RRP8: variants seen among roughly 807,000 people sequenced by gnomAD.
RRP8 encodes ribosomal RNA processing 8.
A neutral mutation model predicts 45.0 loss-of-function variants in RRP8; 48 were observed. The ratio of observed to expected loss-of-function variants is 1.07; its 90% CI spans 0.85 to 1.36. RRP8 has a LOEUF of 1.36. RRP8 is among the 40% of genes most tolerant of loss of function. The pLI, the probability that RRP8 is intolerant of heterozygous loss-of-function variation, is 0.00. For synonymous variants in RRP8, 274 were observed against 212.4 expected, an observed-to-expected ratio of 1.29 and a Z score of -2.52; for missense variants, 658 against 573.7, an observed-to-expected ratio of 1.15 and a Z score of -1.50.
chr11:6,602,653 G>C (rs917422027), intron 1 of RRP8, among the ~76,000 whole-genome samples: 59 of 152,318 alleles, frequency 3.9e-4, no homozygotes, highest in African/African-American at 1.3e-3. Context: ...ACAAACTGAA[G>C]GGGAGAAATT....
Position 6,601,136 on chromosome 11 carries a change from G to A in RRP8, c.917+13C>T, listed in dbSNP as rs567808376. 74 of 1,613,750 alleles carry A rather than the reference G, an allele frequency of 4.6e-5. 3 individuals are homozygous for A. The South Asian group carries it at 7.0e-4, about 15-fold the overall frequency. ...CACCACATGGCTTCTCACAGTCCCT[G>A]ACCCCCATTCACCGCTGGCGAAGAT... On this transcript the variant is annotated intron_variant, in intron 3 of 6. Transcript: ENST00000254605.
At position 6,599,333 on chromosome 11, in the gene RRP8, C is replaced by T. The variant is rs1008887666; in HGVS notation, c.*813G>A. On this transcript the variant is annotated 3_prime_UTR_variant, in exon 7 of 7. Coordinates refer to ENST00000254605, the MANE Select transcript of RRP8 (RefSeq NM_015324.4). Reference sequence around the variant, plus strand: ...GATTTCTCCAGTTAACCCACACAACCACCCTGCAAGACAAAAATTCTACCA... The same window carrying T: ...GATTTCTCCAGTTAACCCACACAACTACCCTGCAAGACAAAAATTCTACCA... The T allele has an allele frequency of 1.5e-4, 23 of 152,266 alleles. No homozygotes were observed. The highest frequency in any genetic ancestry group is 4.8e-4 in the African/African-American group (20 of 41,464). 9.4% of individuals were successfully genotyped at this position (152,266 alleles called of 1,614,324 possible).
In RRP8 at chr11:6,602,157, G is replaced by A. The variant is rs772436414; in HGVS notation, c.158C>T (p.Ser53Phe). 41 of 1,604,148 alleles carry A rather than the reference G, an allele frequency of 2.6e-5. No individual in the cohort carries two copies. The highest frequency in any genetic ancestry group is 3.5e-5 in the Non-Finnish European group (41 of 1,174,034). The change falls in exon 2 of 7, where the codon TCC becomes TTC. Residue 53 changes from serine to phenylalanine, a missense_variant. Physicochemically the swap from Ser to Phe is radical, Grantham distance 155. Coordinates refer to ENST00000254605, the MANE Select transcript of RRP8 (RefSeq NM_015324.4). ...TATACATAGGCTGGGGGGATGCTGGGAAAGAGATGCTGCCTCTAGGGCCCG... is the reference window on the plus strand; with the variant it reads ...TATACATAGGCTGGGGGGATGCTGGAAAAGAGATGCTGCCTCTAGGGCCCG... ...TLRALEAASLSQHPPSLCISD... is the reference protein window; with the variant it reads ...TLRALEAASLFQHPPSLCISD...
At position 6,601,837 on chromosome 11, in the gene RRP8, C is replaced by T. The variant is rs969215262; in HGVS notation, c.463+15G>A. ...ACACACACCAACACACACACATATA[C>T]ACATCCAATGGTACCTGTTTGGTCA... On this transcript the variant is annotated intron_variant, in intron 2 of 6. Coordinates refer to ENST00000254605, the MANE Select transcript of RRP8 (RefSeq NM_015324.4). The T allele has an allele frequency of 1.7e-5, 27 of 1,594,150 alleles. No homozygotes were observed. The highest frequency in any genetic ancestry group is 2.1e-5 in the Non-Finnish European group (25 of 1,169,084).
At chr11:6,601,633 G>A (rs374915476) in intron 2 of RRP8, 31 bp from the exon 3 acceptor site, 1 of 1,569,548 alleles carries the variant, frequency 6.4e-7, no homozygotes, top group South Asian at 1.1e-5. Context: ...AGGTGCACAT[G>A]AGGCAAGATC....
At position 6,596,515 on chromosome 11, in the gene RRP8, G is replaced by C. The variant is rs925657436; in HGVS notation, c.*3631C>G. ...CATAAGCTGATTTACATTTTAAAAAGATCACATGGCTGTGTGGAAAATTAA... is the reference window on the plus strand; with the variant it reads ...CATAAGCTGATTTACATTTTAAAAACATCACATGGCTGTGTGGAAAATTAA... On this transcript the variant is annotated 3_prime_UTR_variant, in exon 7 of 7. Coordinates refer to ENST00000254605, the MANE Select transcript of RRP8 (RefSeq NM_015324.4). 3 of 152,238 alleles carry C rather than the reference G, an allele frequency of 2.0e-5. No homozygotes were observed. Among genetic ancestry groups the C allele is most frequent in the Non-Finnish European group, 2.9e-5 (2 of 68,044 alleles). 9.4% of individuals were successfully genotyped at this position (152,238 alleles called of 1,614,324 possible).
rs1380646811 is a variant in RRP8 at position 6,597,097 on chromosome 11, G to A, written c.*3049C>T. 6.6e-6 allele frequency: 1 copy of A among 152,162 alleles called. No homozygotes were observed. Among genetic ancestry groups the A allele is most frequent in the Non-Finnish European group, 1.5e-5 (1 of 68,036 alleles). The allele number at this position is 152,162 out of a possible 1,614,324, so 9.4% of individuals were successfully genotyped here. A position where few individuals can be genotyped will look rare whatever the true frequency, so the allele number is the denominator to read the frequency against. On this transcript the variant is annotated 3_prime_UTR_variant, in exon 7 of 7. Coordinates refer to ENST00000254605, the MANE Select transcript of RRP8 (RefSeq NM_015324.4). ...GTCTAATCCTGTGTAACAATAATCTGCACCTGTTGCAGTTTTAAATCCCTT... is the reference window on the plus strand; with the variant it reads ...GTCTAATCCTGTGTAACAATAATCTACACCTGTTGCAGTTTTAAATCCCTT...
In RRP8 at chr11:6,596,721, A is replaced by G. The variant is rs112613018; in HGVS notation, c.*3425T>C. On this transcript the variant is annotated 3_prime_UTR_variant, in exon 7 of 7. Transcript: ENST00000254605. The stretch of plus-strand genomic sequence containing the variant: ...GCTGTAGAGAGTTTTGTGCAGTTAC[A>G]TAAATGGTTGGGTTTGGAGCTGAGC... 2.0e-5 allele frequency: 3 copies of G among 152,276 alleles called. No individual in the cohort carries two copies. The highest frequency in any genetic ancestry group is 7.2e-5 in the African/African-American group (3 of 41,458). The allele number at this position is 152,276 out of a possible 1,614,324, so 9.4% of individuals were successfully genotyped here.
rs1854350774 is a variant in RRP8 at position 6,601,294 on chromosome 11, A to G, written c.772T>C (p.Leu258=). Residue 258 remains leucine (L), a synonymous_variant, in exon 3 of 7, where the codon TTG becomes CTG. Coordinates refer to ENST00000254605, the MANE Select transcript of RRP8 (RefSeq NM_015324.4). The part of the protein sequence containing the change: ...GARFRYLNEQ[L]YSGPSSAAQR... ...GCAGCACTGCTGGGCCCTGAGTACA[A>G]CTGTTCATTGAGGTAGCGAAATCGG... The G allele has an allele frequency of 6.2e-7, 1 of 1,613,366 alleles. No individual in the cohort carries two copies. The highest frequency in any genetic ancestry group is 8.5e-7 in the Non-Finnish European group (1 of 1,179,686).
Position 6,596,419 on chromosome 11 carries a change from G to A in RRP8, c.*3727C>T, listed in dbSNP as rs867248681. Reference sequence around the variant, plus strand: ...ACGGAGGCCTGGGCAAGATCACACGGGGCCTGAAAAGTTTGTCTTTTGTTC... The same window carrying A: ...ACGGAGGCCTGGGCAAGATCACACGAGGCCTGAAAAGTTTGTCTTTTGTTC... On this transcript the variant is annotated 3_prime_UTR_variant, in exon 7 of 7. Coordinates refer to ENST00000254605, the MANE Select transcript of RRP8 (RefSeq NM_015324.4). 1 of 152,360 alleles carries A rather than the reference G, an allele frequency of 6.6e-6. No homozygotes were observed. Among genetic ancestry groups the A allele is most frequent in the Non-Finnish European group, 1.5e-5 (1 of 68,032 alleles). The allele number at this position is 152,360 out of a possible 1,614,324, so 9.4% of individuals were successfully genotyped here.
At position 6,600,770 on chromosome 11, in the gene RRP8, AGGAACCT is replaced by A; in HGVS notation, c.1048-2_1052del. 1 of 1,613,950 alleles carries A rather than the reference AGGAACCT, an allele frequency of 6.2e-7. No homozygotes were observed. Among genetic ancestry groups the A allele is most frequent in the South Asian group, 1.1e-5 (1 of 91,070 alleles). ...CCACATCCACAGACTCATCCTCCAG[AGGAACCT>A]GTGGAGAGTGAGAGTGTTGTATAAG... On this transcript the variant is annotated splice_acceptor_variant and coding_sequence_variant, in exon 5 of 7. Transcript: ENST00000254605. LOFTEE classifies it high-confidence loss of function.
Position 6,602,145 on chromosome 11 carries a change from G to T in RRP8, c.170C>A (p.Pro57His). 6.2e-7 allele frequency: 1 copy of T among 1,605,768 alleles called. No homozygotes were observed. Among genetic ancestry groups the T allele is most frequent in the South Asian group, 1.1e-5 (1 of 90,458 alleles). The stretch of plus-strand genomic sequence containing the variant: ...CTCAGAGTCACTTATACATAGGCTG[G>T]GGGGATGCTGGGAAAGAGATGCTGC... The part of the protein sequence containing the change: ...LEAASLSQHP[P>H]SLCISDSEEE... The change falls in exon 2 of 7, where the codon CCC (proline) becomes CAC (histidine). Residue 57 changes from proline (P) to histidine (H), a missense_variant. Physicochemically the swap from Pro to His is moderately conservative, Grantham distance 77. Transcript: ENST00000254605.
rs773787308 is a variant in RRP8, at chr11:6,601,866, T to C, written c.449A>G (p.Asn150Ser). Residue 150 changes from asparagine to serine, a missense_variant, in exon 2 of 7, where the codon AAT (asparagine) becomes AGT (serine). Asn to Ser is a conservative substitution (Grantham distance 46). Transcript: ENST00000254605. ...TCCAATGGTACCTGTTTGGTCAACA[T>C]TGTCCAGGTGCTGGGCTGAATTTAT... is the stretch of plus-strand genomic sequence containing the variant. ...APINSAQHLD[N>S]VDQTGPKAWK... 21 of 1,611,808 alleles carry C rather than the reference T, an allele frequency of 1.3e-5. No individual in the cohort carries two copies. The highest frequency in any genetic ancestry group is 3.3e-4 in the Middle Eastern group (2 of 6,080).
chr11:6,603,204 C>T (rs552278321), intron 1 of RRP8, among the ~76,000 whole-genome samples, 200 bp downstream of exon 1: 2 of 152,344 alleles, frequency 1.3e-5, no homozygotes, highest in East Asian at 3.9e-4. Context: ...CTGAAGAACC[C>T]TCTTCGCTTC....
chr11:6,598,804 G>C lies in RRP8; in HGVS notation c.*1342C>G, dbSNP rs1398038163. On this transcript the variant is annotated 3_prime_UTR_variant, in exon 7 of 7. Transcript: ENST00000254605. ...GCATAGAACCTATGATCTCCCAATGGGTACTGTCAGGTATTCCTGGAAACA... is the reference window on the plus strand; with the variant it reads ...GCATAGAACCTATGATCTCCCAATGCGTACTGTCAGGTATTCCTGGAAACA... The C allele has an allele frequency of 2.0e-5, 3 of 152,112 alleles. No individual in the cohort carries two copies. The highest frequency in any genetic ancestry group is 7.2e-5 in the African/African-American group (3 of 41,422). The allele number at this position is 152,112 out of a possible 1,614,324, so 9.4% of individuals were successfully genotyped here. A position where few individuals can be genotyped will look rare whatever the true frequency, so the allele number is the denominator to read the frequency against.
intron 6 of RRP8, 103 bp downstream of exon 6, chr11:6,600,383 G>A (rs1475000928): frequency 1.5e-6 from 2 of 1,338,288 alleles, no homozygotes; most frequent in African/African-American, 1.5e-5. Context: ...CCGTTGGGGA[G>A]CAAAATGTCT....
At position 6,598,526 on chromosome 11, in the gene RRP8, C is replaced by T. The variant is rs971682091; in HGVS notation, c.*1620G>A. 6.6e-6 allele frequency: 1 copy of T among 152,252 alleles called. No individual in the cohort carries two copies. Among genetic ancestry groups the T allele is most frequent in the Non-Finnish European group, 1.5e-5 (1 of 68,048 alleles). The allele number at this position is 152,252 out of a possible 1,614,324, so 9.4% of individuals were successfully genotyped here. ...AATATTTAGAAGCTGAAGTAGCACTCTTCACATAGTACTTTGAGAGTACAG... is the reference window on the plus strand; with the variant it reads ...AATATTTAGAAGCTGAAGTAGCACTTTTCACATAGTACTTTGAGAGTACAG... On this transcript the variant is annotated 3_prime_UTR_variant, in exon 7 of 7. Coordinates refer to ENST00000254605, the MANE Select transcript of RRP8 (RefSeq NM_015324.4).
At chr11:6,600,644 G>T (rs1180526145) in intron 5 of RRP8, 25 bp downstream of exon 5, 20 of 1,606,592 alleles carry the variant, frequency 1.2e-5, no homozygotes, top group Non-Finnish European at 1.6e-5. Flanking sequence ...ATACATACAT[G>T]CATCTGTGTC....
rs1415963254 is a variant in RRP8, at chr11:6,597,465, C to A, written c.*2681G>T. ...GCTTTCATAATGGAGCAACCTCTTA[C>A]CACTGCCATTTACCTCAAACAGGCC... On this transcript the variant is annotated 3_prime_UTR_variant, in exon 7 of 7. Coordinates refer to ENST00000254605, the MANE Select transcript of RRP8 (RefSeq NM_015324.4). The A allele has an allele frequency of 6.6e-6, 1 of 151,976 alleles. No homozygotes were observed. The highest frequency in any genetic ancestry group is 1.5e-5 in the Non-Finnish European group (1 of 68,020). 9.4% of individuals were successfully genotyped at this position (151,976 alleles called of 1,614,324 possible).
Sources: allele counts gnomAD v4.1 joint callset (sites outside exome capture counted in the v4.1 genomes callset), GRCh38; gene constraint gnomAD v4.1.1; transcripts MANE v1.5; gene names NCBI Gene and HGNC (gene_info 2026-07-23, HGNC 2026-07-21).